Variants in CDH23 observed in about 807,000 individuals in gnomAD.
CDH23 encodes the protein cadherin related 23.
CDH23 carries 189 observed loss-of-function variants against 317.1 expected under a neutral mutation model. The observed-to-expected ratio is 0.60, with a 90% CI of 0.53 to 0.67. The LOEUF is 0.67. Ranked by LOEUF, CDH23 falls within the 30% of genes least tolerant of loss-of-function variation. The probability of loss-of-function intolerance (pLI) is 0.00; values close to 1 mark genes in which losing one functional copy is unlikely to be tolerated. For synonymous variants in CDH23, 1,839 were observed against 1,876.8 expected (o/e 0.98, Z 0.52); for missense variants, 4,401 against 4,592.4 (o/e 0.96, Z 1.20).
chr10:71,702,535 C>T lies in CDH23; in HGVS notation c.2588-14C>T. 1 of 1,613,910 alleles carries T rather than the reference C, an allele frequency of 6.2e-7. No homozygotes were observed. On this transcript the variant is annotated splice_polypyrimidine_tract_variant and intron_variant, in intron 23 of 69. Transcript: ENST00000224721. ...TACCCTGTCCTTGGCCCCTTCTCGC[C>T]CTGGTCTTCCCAGGTGGCAGGCCCC... is the stretch of plus-strand genomic sequence containing the variant.
At chr10:71,752,927 G>A in intron 38 of CDH23, 1 of 1,603,648 alleles carries the variant, frequency 6.2e-7, no homozygotes, top group Non-Finnish European at 8.5e-7. Flanking sequence ...TCTCTTCCTG[G>A]ATAGCCGGCC....
In CDH23 at chr10:71,446,346, C is replaced by T. The variant is rs772995753; in HGVS notation, c.96C>T (p.Thr32=). The part of the protein sequence containing the change: ...WGQVNRLPFF[T]NHFFDTYLLI... ...AGGTGAACCGGCTGCCCTTCTTCAC[C>T]AACCACTTCTTTGATACATACCTGC... Residue 32 remains threonine, a synonymous_variant, in exon 3 of 70, where the codon ACC becomes ACT. Coordinates refer to ENST00000224721, the MANE Select transcript of CDH23 (RefSeq NM_022124.6). The T allele has an allele frequency of 6.2e-7, 1 of 1,614,030 alleles. No homozygotes were observed. Among genetic ancestry groups the T allele is most frequent in the Non-Finnish European group, 8.5e-7 (1 of 1,179,894 alleles).
intron 69 of CDH23, among the ~76,000 whole-genome samples, chr10:71,813,845 T>C (rs1271019620): frequency 1.3e-5 from 2 of 151,140 alleles, no homozygotes; most frequent in Non-Finnish European, 3.0e-5. Context: ...GAGGCGGAGG[T>C]TGAAGTGAAC....
intron 38 of CDH23, among the ~76,000 whole-genome samples, chr10:71,768,074 C>T (rs754696795): frequency 1.3e-5 from 2 of 152,244 alleles, no homozygotes; most frequent in African/African-American, 4.8e-5. Flanking sequence ...GCTGTGAAGA[C>T]GTCCTCAGGG....
chr10:71,776,000 T>C (rs1273966017), intron 38 of CDH23, among the ~76,000 whole-genome samples: 1 of 152,116 alleles, frequency 6.6e-6, no homozygotes, highest in East Asian at 1.9e-4. Context: ...AGCCTCCCTG[T>C]TGGGGAGGGG....
intron 34 of CDH23, among the ~76,000 whole-genome samples, chr10:71,736,125 G>A (rs1021389304): frequency 2.6e-5 from 4 of 152,218 alleles, no homozygotes; most frequent in Non-Finnish European, 2.9e-5. Context: ...TCCTCAGCAC[G>A]GCTGTTGAGG....
intron 41 of CDH23, among the ~76,000 whole-genome samples, chr10:71,781,218 G>A (rs1333034309): frequency 6.6e-6 from 1 of 152,124 alleles, no homozygotes; most frequent in East Asian, 1.9e-4. Context: ...GAGGCTGGGG[G>A]AAAAAACAAC....
chr10:71,647,724 T>TC (rs1481787484), intron 14 of CDH23: 1 of 152,090 alleles, frequency 6.6e-6, no homozygotes, highest in Admixed American at 6.5e-5. Context: ...GGGATCACAC[T>TC]CCCCCTAGTG....
intron 38 of CDH23, among the ~76,000 whole-genome samples, chr10:71,774,260 G>A (rs1219475696): frequency 6.7e-6 from 1 of 149,058 alleles, no homozygotes; most frequent in Admixed American, 6.8e-5. Flanking sequence ...CCTGGTGCCT[G>A]GATATCTGCA....
In CDH23 at chr10:71,481,131, G is replaced by A. The variant is rs569510843; in HGVS notation, c.146-28951G>A. Reference sequence around the variant, plus strand: ...ATTTCCCGTTGCCCAGCTGTGGCCTGGGTGGCAGCCCCATTTTCATGGCTG... The same window carrying A: ...ATTTCCCGTTGCCCAGCTGTGGCCTAGGTGGCAGCCCCATTTTCATGGCTG... On this transcript the variant is annotated intron_variant, in intron 3 of 69. Coordinates refer to ENST00000224721, the MANE Select transcript of CDH23 (RefSeq NM_022124.6). Among the ~76,000 whole-genome samples the A allele has an allele frequency of 1.2e-4, 18 of 152,258 alleles. No individual in the cohort carries two copies. In the East Asian group the frequency reaches 2.9e-3, roughly 25 times the overall value.
At chr10:71,809,780 T>C in intron 60 of CDH23, 40 bp from the exon 61 acceptor site, 2 of 1,594,720 alleles carry the variant, frequency 1.3e-6, no homozygotes, top group Non-Finnish European at 1.7e-6. Context: ...TTCGGGGCAC[T>C]GAGTCTCTGA....
intron 47 of CDH23, 35 bp downstream of exon 47, chr10:71,791,370 AG>A (rs1245346283): frequency 6.3e-7 from 1 of 1,577,316 alleles, no homozygotes; most frequent in Non-Finnish European, 8.7e-7. Context: ...CCCCACAACC[AG>A]GGGCCGGTTG....
At chr10:71,589,749 C>T (rs977039134) in intron 9 of CDH23, among the ~76,000 whole-genome samples, 2 of 152,214 alleles carry the variant, frequency 1.3e-5, no homozygotes, top group South Asian at 4.1e-4. Flanking sequence ...CCAACCCCTG[C>T]CCTAACATTC....
chr10:71,712,623 C>A, intron 27 of CDH23, 42 bp from the exon 28 acceptor site: 1 of 1,607,444 alleles, frequency 6.2e-7, no homozygotes. Context: ...GTGCCCCTCT[C>A]TCAGGCAGCT....
intron 25 of CDH23, 78 bp downstream of exon 25, chr10:71,705,208 GC>G: frequency 7.4e-7 from 1 of 1,343,022 alleles, no homozygotes; most frequent in Non-Finnish European, 1.0e-6. Flanking sequence ...GTAGAGGGGA[GC>G]CCATGTCCCC....
chr10:71,691,654 G>C (rs1233020169), intron 20 of CDH23, among the ~76,000 whole-genome samples: 1 of 152,196 alleles, frequency 6.6e-6, no homozygotes, highest in Non-Finnish European at 1.5e-5. Flanking sequence ...AGGGAAAAGA[G>C]AGCATGGGTT....
At position 71,463,831 on chromosome 10, in the gene CDH23, C is replaced by A. The variant is rs978861571; in HGVS notation, c.145+17436C>A. On this transcript the variant is annotated intron_variant, in intron 3 of 69. Transcript: ENST00000224721. ...GGGCAGTGTCCTGCCATCAACAGATCAAAACCTAGGCCTGCTGGGGTTCCC... is the reference window on the plus strand; with the variant it reads ...GGGCAGTGTCCTGCCATCAACAGATAAAAACCTAGGCCTGCTGGGGTTCCC... Among the ~76,000 whole-genome samples, 4 of 152,328 alleles carry A rather than the reference C, an allele frequency of 2.6e-5. No individual in the cohort carries two copies. The East Asian group carries it at 7.7e-4, about 29-fold the overall frequency.
In CDH23 at chr10:71,814,976, G is replaced by A; in HGVS notation, c.9763G>A (p.Glu3255Lys). ...SELIQTELDE[E>K]PGDHSPGQGS... ...GCTGATACAGACTGAGCTGGACGAG[G>A]AGCCAGGAGACCACAGCCCAGGGCA... is the stretch of plus-strand genomic sequence containing the variant. The change falls in exon 70 of 70, where the codon GAG (glutamate) becomes AAG (lysine). Residue 3255 changes from glutamate (E) to lysine (K), a missense_variant. Coordinates refer to ENST00000224721, the MANE Select transcript of CDH23 (RefSeq NM_022124.6). 6.2e-7 allele frequency: 1 copy of A among 1,612,298 alleles called. No individual in the cohort carries two copies. The highest frequency in any genetic ancestry group is 8.5e-7 in the Non-Finnish European group (1 of 1,179,524).
Position 71,790,198 on chromosome 10 carries a change from G to A in CDH23, c.5924-90G>A, listed in dbSNP as rs55768030. ...TCACCTCCCTCCCCTCTCATCCATC[G>A]TCAGCCATGGCTCACCGGGACAGGG... On this transcript the variant is annotated intron_variant, in intron 45 of 69. Transcript: ENST00000224721. 18,691 of 1,528,664 alleles carry A rather than the reference G, an allele frequency of 0.012. 130 individuals are homozygous for A. Among genetic ancestry groups the A allele is most frequent in the Non-Finnish European group, 0.014 (16,226 of 1,131,082 alleles). 94.7% of individuals were successfully genotyped at this position (1,528,664 alleles called of 1,614,324 possible).
Sources: allele counts gnomAD v4.1 joint callset (sites outside exome capture counted in the v4.1 genomes callset), GRCh38; gene constraint gnomAD v4.1.1; transcripts MANE v1.5; gene names NCBI Gene and HGNC (gene_info 2026-07-23, HGNC 2026-07-21).